Variants in ADGB observed in about 807,000 individuals in gnomAD.
ADGB encodes calpain-7-like protein.
ADGB carries 172 observed loss-of-function variants against 210.5 expected under a neutral mutation model. The ratio of observed to expected loss-of-function variants is 0.82; its 90% CI spans 0.72 to 0.93. ADGB has a LOEUF of 0.93. ADGB is among the 40% of genes least tolerant of loss of function. The pLI, the probability that ADGB is intolerant of heterozygous loss-of-function variation, is 0.00. For missense variants in ADGB, 2,025 were observed against 1,964.8 expected (o/e 1.03, Z -0.58); for synonymous variants, 658 against 662.7 (o/e 0.99, Z 0.11).
chr6:146,623,507 G>T (rs1411784456), intron 1 of ADGB, among the ~76,000 whole-genome samples: 1 of 151,730 alleles, frequency 6.6e-6, no homozygotes, highest in African/African-American at 2.4e-5. Flanking sequence ...TCTTGTCAGT[G>T]CACAAAAGTT....
chr6:146,607,345 A>G (rs1780646858), intron 1 of ADGB, among the ~76,000 whole-genome samples: 1 of 152,134 alleles, frequency 6.6e-6, no homozygotes, highest in Non-Finnish European at 1.5e-5. Flanking sequence ...ACAAAGAGAG[A>G]TAGTTTGACT....
intron 1 of ADGB, among the ~76,000 whole-genome samples, chr6:146,608,862 G>A (rs1780666346): frequency 6.6e-6 from 1 of 152,174 alleles, no homozygotes; most frequent in Non-Finnish European, 1.5e-5. Context: ...TGGGAGAAGT[G>A]TTCTGTAGAT....
intron 25 of ADGB, among the ~76,000 whole-genome samples, chr6:146,743,639 C>T (rs1164280225): frequency 6.6e-6 from 1 of 152,160 alleles, no homozygotes; most frequent in African/African-American, 2.4e-5. Flanking sequence ...TAAGGCCGGG[C>T]GCAGTGGCTC....
intron 9 of ADGB, among the ~76,000 whole-genome samples, chr6:146,683,144 C>T (rs531494985): frequency 6.8e-4 from 103 of 152,120 alleles, no homozygotes; most frequent in African/African-American, 1.2e-3. Context: ...CCTCACCAGG[C>T]GCCAGCACCT....
At chr6:146,758,119 T>G (rs1165472077) in intron 27 of ADGB, among the ~76,000 whole-genome samples, 1 of 152,078 alleles carries the variant, frequency 6.6e-6, no homozygotes, top group Non-Finnish European at 1.5e-5. Context: ...TTTCAGCACT[T>G]AGGCTGCATT....
intron 27 of ADGB, among the ~76,000 whole-genome samples, chr6:146,759,636 A>G (rs540912998): frequency 6.6e-6 from 1 of 151,838 alleles, no homozygotes; most frequent in East Asian, 1.9e-4. Context: ...AATTTTCTGA[A>G]TGTGTACATG....
At chr6:146,622,845 T>C (rs1411402789) in intron 1 of ADGB, among the ~76,000 whole-genome samples, 1 of 152,084 alleles carries the variant, frequency 6.6e-6, no homozygotes, top group Non-Finnish European at 1.5e-5. Context: ...TTTTATAGTG[T>C]AAGTTTTACA....
chr6:146,753,280 A>G (rs1777353545), intron 27 of ADGB, among the ~76,000 whole-genome samples: 1 of 152,068 alleles, frequency 6.6e-6, no homozygotes. Flanking sequence ...CGTGCTACTC[A>G]GAAAAAAAGT....
At chr6:146,605,784 A>G (rs996217024) in intron 1 of ADGB, among the ~76,000 whole-genome samples, 13 of 152,072 alleles carry the variant, frequency 8.5e-5, no homozygotes, top group African/African-American at 2.9e-4. Flanking sequence ...ATACCCCTTT[A>G]TTTTTCATAG....
At chr6:146,651,979 A>T (rs1775709862) in intron 3 of ADGB, among the ~76,000 whole-genome samples, 1 of 152,204 alleles carries the variant, frequency 6.6e-6, no homozygotes, top group Admixed American at 6.5e-5. Flanking sequence ...AAAAAGGTTA[A>T]CAAGTTCTGA....
At chr6:146,656,186 A>G (rs1228732169) in intron 4 of ADGB, among the ~76,000 whole-genome samples, 5 of 152,214 alleles carry the variant, frequency 3.3e-5, no homozygotes, top group African/African-American at 1.2e-4. Flanking sequence ...TCTGAAGTCC[A>G]TCCACCCACT....
chr6:146,781,065 C>T (rs1056818367), intron 29 of ADGB, among the ~76,000 whole-genome samples: 2 of 151,586 alleles, frequency 1.3e-5, no homozygotes, highest in Non-Finnish European at 2.9e-5. Flanking sequence ...CGGTAGCTCA[C>T]GCCTGTAATC....
intron 1 of ADGB, among the ~76,000 whole-genome samples, chr6:146,618,873 T>C (rs182325861): frequency 1.3e-5 from 2 of 152,194 alleles, no homozygotes; most frequent in East Asian, 3.9e-4. Flanking sequence ...CTCTTTCATC[T>C]GGAGTGCAGT....
chr6:146,616,397 T>C (rs866226401), intron 1 of ADGB, among the ~76,000 whole-genome samples: 7 of 152,224 alleles, frequency 4.6e-5, no homozygotes, highest in Middle Eastern at 3.4e-3. Flanking sequence ...GTTAATGTTT[T>C]CTTGTACTGT....
chr6:146,662,570 GT>G (rs1775877047), intron 5 of ADGB, among the ~76,000 whole-genome samples: 1 of 151,996 alleles, frequency 6.6e-6, no homozygotes, highest in Admixed American at 6.6e-5. Context: ...GAGAATTGCT[GT>G]AAATTTCTTA....
intron 35 of ADGB, among the ~76,000 whole-genome samples, chr6:146,806,193 A>G (rs1778209329): frequency 6.6e-6 from 1 of 152,196 alleles, no homozygotes; most frequent in African/African-American, 2.4e-5. Flanking sequence ...GGAAACGGGG[A>G]AAAAATACTA....
chr6:146,786,951 G>A (rs1368894468), intron 32 of ADGB, among the ~76,000 whole-genome samples: 1 of 152,118 alleles, frequency 6.6e-6, no homozygotes, highest in Non-Finnish European at 1.5e-5. Context: ...GATACAACAG[G>A]AACAAGTGGG....
chr6:146,664,300 A>G lies in ADGB; in HGVS notation c.712A>G (p.Met238Val), dbSNP rs1775908102. The change falls in exon 6 of 36, where the codon ATG (methionine) becomes GTG (valine). Residue 238 changes from methionine to valine, a missense_variant. By Grantham distance (21) the Met-to-Val change is conservative. Transcript: ENST00000397944. ...AACTTATGAATTTGAACTGTGGCCA[A>G]TGCTTTTGTCTAAAGCTATTATCAA... Reference protein sequence around the residue: ...ATTYEFELWPMLLSKAIIKLA... With the variant: ...ATTYEFELWPVLLSKAIIKLA... The G allele has an allele frequency of 1.9e-6, 3 of 1,549,910 alleles. No homozygotes were observed. Among genetic ancestry groups the G allele is most frequent in the Non-Finnish European group, 1.7e-6 (2 of 1,146,068 alleles).
At chr6:146,708,074 C>T (rs925040748) in intron 13 of ADGB, among the ~76,000 whole-genome samples, 4 of 152,004 alleles carry the variant, frequency 2.6e-5, no homozygotes, top group Non-Finnish European at 5.9e-5. Flanking sequence ...TAACTTTGAT[C>T]GCATACAAAA....
Sources: gnomAD v4.1 joint callset for allele counts (sites outside exome capture counted in the v4.1 genomes callset) on GRCh38, gnomAD v4.1.1 for gene constraint, MANE v1.5 for transcripts, NCBI Gene and HGNC (gene_info 2026-07-23, HGNC 2026-07-21) for gene names.